The following C1QTNF7 variants were observed in gnomAD, a reference collection of about 807,000 sequenced individuals.
C1QTNF7 encodes the protein C1q and TNF related 7.
Under a neutral mutation model 19.6 loss-of-function variants are expected in C1QTNF7, and 15 were observed. The observed-to-expected ratio is 0.76, with a 90% CI of 0.51 to 1.18. The LOEUF (loss-of-function observed/expected upper bound fraction) is 1.18, where lower values mean the gene tolerates loss of function less well. Among genes scored for constraint, C1QTNF7 ranks in the 50% most tolerant of loss-of-function variants. The pLI is 0.00. For missense variants in C1QTNF7, 324 were observed against 359.7 expected, an observed-to-expected ratio of 0.90 and a Z score of 0.80; for synonymous variants, 142 against 137.5, an observed-to-expected ratio of 1.03 and a Z score of -0.23.
intron 1 of C1QTNF7, among the ~76,000 whole-genome samples, chr4:15,363,529 C>G (rs1007146631): frequency 6.6e-6 from 1 of 152,122 alleles, no homozygotes; most frequent in Non-Finnish European, 1.5e-5. Flanking sequence ...CTGAGCCTTT[C>G]TCTTCTAGGA....
chr4:15,344,771 A>T (rs375429734), intron 1 of C1QTNF7, among the ~76,000 whole-genome samples: 1 of 152,272 alleles, frequency 6.6e-6, no homozygotes, highest in East Asian at 1.9e-4. Flanking sequence ...ACATAATAAT[A>T]GTATTGGCAC....
chr4:15,385,994 G>C (rs1424489290), intron 1 of C1QTNF7, among the ~76,000 whole-genome samples: 1 of 152,210 alleles, frequency 6.6e-6, no homozygotes, highest in African/African-American at 2.4e-5. Context: ...TGTTTCGCCA[G>C]CCAGAAAAAC....
At chr4:15,383,591 G>A (rs948902945) in intron 1 of C1QTNF7, among the ~76,000 whole-genome samples, 1 of 152,196 alleles carries the variant, frequency 6.6e-6, no homozygotes, top group African/African-American at 2.4e-5. Context: ...GCCTTAGCCA[G>A]AACACTGTAG....
At chr4:15,383,254 C>G (rs1718212046) in intron 1 of C1QTNF7, among the ~76,000 whole-genome samples, 1 of 152,124 alleles carries the variant, frequency 6.6e-6, no homozygotes, top group Non-Finnish European at 1.5e-5. Context: ...CCCAATCCCC[C>G]CAAATGATAA....
intron 1 of C1QTNF7, among the ~76,000 whole-genome samples, chr4:15,349,478 A>G (rs909517114): frequency 4.6e-5 from 7 of 152,222 alleles, no homozygotes; most frequent in African/African-American, 1.7e-4. Context: ...AATGAAAGAA[A>G]TGTGCAAAAT....
chr4:15,351,907 T>G (rs1716951330), intron 1 of C1QTNF7, among the ~76,000 whole-genome samples: 1 of 152,146 alleles, frequency 6.6e-6, no homozygotes, highest in South Asian at 2.1e-4. Flanking sequence ...CACTTAGTCC[T>G]TCAACAAACA....
chr4:15,428,965 A>G (rs1223237312), intron 1 of C1QTNF7, among the ~76,000 whole-genome samples: 2 of 152,330 alleles, frequency 1.3e-5, no homozygotes, highest in East Asian at 3.9e-4. Flanking sequence ...TTTCCCTCAC[A>G]TGATGTAGGG....
At chr4:15,429,574 T>C (rs1712214594) in intron 1 of C1QTNF7, among the ~76,000 whole-genome samples, 1 of 152,206 alleles carries the variant, frequency 6.6e-6, no homozygotes, top group Admixed American at 6.5e-5. Context: ...TCTCCTTTCC[T>C]TTTAAGGCTG....
At chr4:15,427,635 T>G (rs951885704), upstream of C1QTNF7, among the ~76,000 whole-genome samples, 5 of 152,192 alleles carry the variant, frequency 3.3e-5, no homozygotes, top group African/African-American at 1.2e-4. Context: ...GTCCAGAATC[T>G]AAAGGCTCTA....
intron 1 of C1QTNF7, among the ~76,000 whole-genome samples, chr4:15,414,175 G>C (rs1012108483): frequency 6.6e-6 from 1 of 152,132 alleles, no homozygotes; most frequent in Non-Finnish European, 1.5e-5. Context: ...ATGATTGGAA[G>C]CTATGTGCTG....
At chr4:15,348,915 G>T (rs961754641) in intron 1 of C1QTNF7, among the ~76,000 whole-genome samples, 6 of 152,160 alleles carry the variant, frequency 3.9e-5, no homozygotes, top group African/African-American at 1.4e-4. Flanking sequence ...GTGCTCTACA[G>T]TAAAACTAGA....
intron 1 of C1QTNF7, among the ~76,000 whole-genome samples, chr4:15,410,179 G>C (rs1224159894): frequency 6.6e-6 from 1 of 152,124 alleles, no homozygotes; most frequent in Non-Finnish European, 1.5e-5. Flanking sequence ...AATTTTCTTA[G>C]ACATCTTCCA....
At chr4:15,373,670 G>T (rs1412805015) in intron 1 of C1QTNF7, among the ~76,000 whole-genome samples, 2 of 152,150 alleles carry the variant, frequency 1.3e-5, no homozygotes, top group Admixed American at 1.3e-4. Context: ...TCTAGATCTA[G>T]TGTTCTTTCT....
intron 1 of C1QTNF7, among the ~76,000 whole-genome samples, chr4:15,365,897 C>G (rs1577237671): frequency 6.6e-6 from 1 of 152,138 alleles, no homozygotes; most frequent in African/African-American, 2.4e-5. Flanking sequence ...TTAGCCTACC[C>G]TGGTGGACCT....
intron 1 of C1QTNF7, among the ~76,000 whole-genome samples, chr4:15,418,040 C>T (rs2080175): frequency 0.069 from 10,425 of 152,156 alleles, 1,140 homozygotes; most frequent in African/African-American, 0.23. Context: ...AGAGAAGGTT[C>T]GTCAGGATGA....
chr4:15,411,462 AG>A (rs1328829645), intron 1 of C1QTNF7, among the ~76,000 whole-genome samples: 1 of 152,184 alleles, frequency 6.6e-6, no homozygotes, highest in Non-Finnish European at 1.5e-5. Context: ...AATCACCAGG[AG>A]GGTCTCTGGC....
chr4:15,421,843 C>T (rs940917596), intron 1 of C1QTNF7, among the ~76,000 whole-genome samples: 5 of 152,004 alleles, frequency 3.3e-5, no homozygotes, highest in African/African-American at 9.7e-5. Flanking sequence ...GTGGTACAAC[C>T]GTACAATGGA....
rs75742771 is a variant in C1QTNF7, at chr4:15,376,208, G to A, written c.13+36001G>A. On this transcript the variant is annotated intron_variant, in intron 1 of 2. Coordinates refer to the C1QTNF7 transcript ENST00000295297. The stretch of plus-strand genomic sequence containing the variant: ...AGCCCAAGTGCACTTTTGTGTTCAC[G>A]GGCAATAGCTAAATAGGGTTGAACA... 2.2e-4 allele frequency among the ~76,000 whole-genome samples: 34 copies of A among 152,348 alleles called. No individual in the cohort carries two copies. The East Asian group carries it at 4.4e-3, about 20-fold the overall frequency.
chr4:15,370,025 A>G (rs1717663306), intron 1 of C1QTNF7, among the ~76,000 whole-genome samples: 1 of 152,198 alleles, frequency 6.6e-6, no homozygotes, highest in Admixed American at 6.5e-5. Flanking sequence ...ACACAAGTAA[A>G]TCTACATAAA....
Sources: gnomAD v4.1 joint callset for allele counts (sites outside exome capture counted in the v4.1 genomes callset) on GRCh38, gnomAD v4.1.1 for gene constraint, MANE v1.5 for transcripts, NCBI Gene and HGNC (gene_info 2026-07-23, HGNC 2026-07-21) for gene names.